MAGI2: variants seen among roughly 807,000 people sequenced by gnomAD.
MAGI2 encodes membrane associated guanylate kinase, WW and PDZ domain containing 2, also known as membrane-associated guanylate kinase, WW and PDZ domain-containing protein 2.
Under a neutral mutation model 133.3 loss-of-function variants are expected in MAGI2, and 35 were observed. The ratio of observed to expected loss-of-function variants is 0.26; its 90% CI spans 0.20 to 0.35. MAGI2 has a LOEUF of 0.35. MAGI2 is among the 10% of genes least tolerant of loss of function. The probability of loss-of-function intolerance (pLI) is 1.00; values close to 1 mark genes in which losing one functional copy is unlikely to be tolerated. For synonymous variants in MAGI2, 729 were observed against 710.6 expected (o/e 1.03, Z -0.41); for missense variants, 1,636 against 1,863.4 (o/e 0.88, Z 2.25).
At chr7:78,064,652 A>G (rs1035951810) in intron 21 of MAGI2, among the ~76,000 whole-genome samples, 2 of 152,140 alleles carry the variant, frequency 1.3e-5, no homozygotes, top group African/African-American at 2.4e-5. Flanking sequence ...TTATATGGCT[A>G]ACCATGGAGA....
At chr7:78,407,056 T>C (rs1037698663) in intron 6 of MAGI2, among the ~76,000 whole-genome samples, 2 of 152,112 alleles carry the variant, frequency 1.3e-5, no homozygotes, top group African/African-American at 4.8e-5. Context: ...AATATGTGTT[T>C]TATACATTGA....
At chr7:78,576,396 A>G (rs924649451) in intron 3 of MAGI2, among the ~76,000 whole-genome samples, 1 of 152,178 alleles carries the variant, frequency 6.6e-6, no homozygotes, top group Non-Finnish European at 1.5e-5. Flanking sequence ...AGGGCCTCAG[A>G]AGCAAGGTCT....
chr7:78,655,894 T>G (rs1584984910), intron 2 of MAGI2, among the ~76,000 whole-genome samples: 2 of 142,652 alleles, frequency 1.4e-5, no homozygotes, highest in African/African-American at 5.2e-5. Flanking sequence ...GGCAGGAGAA[T>G]GGCCTGAACC....
intron 9 of MAGI2, among the ~76,000 whole-genome samples, chr7:78,262,438 C>T (rs576903307): frequency 1.3e-5 from 2 of 152,118 alleles, no homozygotes; most frequent in African/African-American, 2.4e-5. Context: ...CTATCTGCTT[C>T]GCTGTCAACT....
At chr7:78,119,655 A>G (rs1820235074) in intron 20 of MAGI2, among the ~76,000 whole-genome samples, 1 of 151,318 alleles carries the variant, frequency 6.6e-6, no homozygotes, top group African/African-American at 2.4e-5. Flanking sequence ...ATCAATACTT[A>G]TTTGTCCATT....
intron 2 of MAGI2, among the ~76,000 whole-genome samples, chr7:78,989,910 A>T (rs1472124382): frequency 6.6e-6 from 1 of 151,988 alleles, no homozygotes; most frequent in Non-Finnish European, 1.5e-5. Context: ...TATTTATTCC[A>T]TCCATCTACT....
At chr7:79,334,457 A>C (rs7811833) in intron 1 of MAGI2, among the ~76,000 whole-genome samples, 128,268 of 152,104 alleles carry the variant, frequency 0.84, 54,176 homozygotes, top group Middle Eastern at 0.86. Context: ...AAAGCCCCTG[A>C]CTTTGATCTC....
At chr7:78,302,927 T>C (rs889058780) in intron 9 of MAGI2, among the ~76,000 whole-genome samples, 3 of 152,132 alleles carry the variant, frequency 2.0e-5, no homozygotes, top group Admixed American at 6.5e-5. Context: ...AAGTGGGATA[T>C]GAACAGGTAA....
chr7:78,558,559 T>C (rs1327363737), intron 3 of MAGI2, among the ~76,000 whole-genome samples: 1 of 152,214 alleles, frequency 6.6e-6, no homozygotes, highest in African/African-American at 2.4e-5. Flanking sequence ...CTGCAAGGTG[T>C]TAGTAACATT....
At chr7:78,345,780 CA>C in intron 8 of MAGI2, 141 bp downstream of exon 8, 1 of 1,200,726 alleles carries the variant, frequency 8.3e-7, no homozygotes, top group South Asian at 1.5e-5. Context: ...AGAATGCAAA[CA>C]TCCAGCTAAA....
intron 6 of MAGI2, among the ~76,000 whole-genome samples, chr7:78,371,270 A>G (rs1375343448): frequency 6.6e-6 from 1 of 151,946 alleles, no homozygotes; most frequent in Non-Finnish European, 1.5e-5. Flanking sequence ...ACCCTTTTTT[A>G]TAAGCAGCTC....
At chr7:79,328,539 T>C (rs1839858478) in intron 1 of MAGI2, among the ~76,000 whole-genome samples, 1 of 152,216 alleles carries the variant, frequency 6.6e-6, no homozygotes, top group Non-Finnish European at 1.5e-5. Flanking sequence ...GAAGACATAT[T>C]ATGTACATTA....
intron 2 of MAGI2, among the ~76,000 whole-genome samples, chr7:78,713,483 T>C (rs562444812): frequency 1.3e-5 from 2 of 152,288 alleles, no homozygotes; most frequent in South Asian, 4.1e-4. Context: ...AAAGTGACCA[T>C]TTCTACATGG....
chr7:78,219,117 C>T (rs1232883348), intron 10 of MAGI2, among the ~76,000 whole-genome samples: 3 of 152,122 alleles, frequency 2.0e-5, no homozygotes, highest in Non-Finnish European at 4.4e-5. Flanking sequence ...GCCTCGTCTA[C>T]CTTCCTAATG....
chr7:79,291,418 T>C (rs1836475798), intron 1 of MAGI2, among the ~76,000 whole-genome samples: 1 of 152,188 alleles, frequency 6.6e-6, no homozygotes, highest in African/African-American at 2.4e-5. Flanking sequence ...TCAATTTCTT[T>C]TGTTATATAC....
At chr7:78,822,655 A>G (rs893691298) in intron 2 of MAGI2, among the ~76,000 whole-genome samples, 1 of 152,194 alleles carries the variant, frequency 6.6e-6, no homozygotes, top group African/African-American at 2.4e-5. Flanking sequence ...ATACAATGAC[A>G]ATATAAGGGT....
At chr7:79,373,813 C>A (rs965380545) in intron 1 of MAGI2, among the ~76,000 whole-genome samples, 1 of 151,990 alleles carries the variant, frequency 6.6e-6, no homozygotes, top group Non-Finnish European at 1.5e-5. Context: ...AATGGGCATT[C>A]AAATGTAAAT....
At chr7:78,796,184 A>T (rs948314652) in intron 2 of MAGI2, among the ~76,000 whole-genome samples, 1 of 152,196 alleles carries the variant, frequency 6.6e-6, no homozygotes, top group Non-Finnish European at 1.5e-5. Context: ...AATAATTAAC[A>T]AAGTGAAGAG....
chr7:78,852,123 T>C (rs1793188911), intron 2 of MAGI2, among the ~76,000 whole-genome samples: 1 of 152,154 alleles, frequency 6.6e-6, no homozygotes, highest in African/African-American at 2.4e-5. Flanking sequence ...TATTTGTATT[T>C]ATTATTCGGG....
Sources: gnomAD v4.1 joint callset for allele counts (sites outside exome capture counted in the v4.1 genomes callset) on GRCh38, gnomAD v4.1.1 for gene constraint, MANE v1.5 for transcripts, NCBI Gene and HGNC (gene_info 2026-07-23, HGNC 2026-07-21) for gene names.